PUDP: variants seen among roughly 807,000 people sequenced by gnomAD.
PUDP encodes the protein pseudouridine 5'-phosphatase, also known as pseudouridine-5'-phosphatase.
Under a neutral mutation model 9.4 loss-of-function variants are expected in PUDP, and 8 were observed. The ratio of observed to expected loss-of-function variants is 0.85; its 90% CI spans 0.50 to 1.53. The LOEUF (loss-of-function observed/expected upper bound fraction) is 1.53. Among genes scored for constraint, PUDP ranks in the 40% most tolerant of loss-of-function variants. The pLI, the probability that PUDP is intolerant of heterozygous loss-of-function variation, is 0.00. For synonymous variants in PUDP, 99 were observed against 80.7 expected, an observed-to-expected ratio of 1.23 and a Z score of -1.22; for missense variants, 188 against 189.7, an observed-to-expected ratio of 0.99 and a Z score of 0.05.
chrX:7,041,022 C>T (rs1019437781), intron 1 of PUDP, among the ~76,000 whole-genome samples: 4 of 112,081 alleles, frequency 3.6e-5, no homozygotes, highest in Admixed American at 9.5e-5. Context: ...TTCCCTGCTT[C>T]CCTCTTCAAA....
intron 1 of PUDP, among the ~76,000 whole-genome samples, chrX:7,028,090 A>G (rs1182544048): frequency 2.8e-5 from 3 of 106,741 alleles, no homozygotes; most frequent in South Asian, 8.1e-4. Context: ...TTATTGTTTG[A>G]TATATAGTCT....
At chrX:6,803,372 G>C (rs762490548) in intron 3 of PUDP, among the ~76,000 whole-genome samples, 1 of 111,425 alleles carries the variant, frequency 9.0e-6, no homozygotes, top group African/African-American at 3.3e-5. Flanking sequence ...TGCAGTGGAA[G>C]TGCTTAAGAA....
intron 3 of PUDP, among the ~76,000 whole-genome samples, chrX:6,846,984 G>T (rs1926758959): frequency 9.0e-6 from 1 of 111,508 alleles, no homozygotes; most frequent in African/African-American, 3.3e-5. Flanking sequence ...GTCCAGCTAT[G>T]CTGACCTAAA....
chrX:7,096,829 G>C (rs975075378), intron 2 of PUDP, among the ~76,000 whole-genome samples: 27 of 110,717 alleles, frequency 2.4e-4, no homozygotes, highest in African/African-American at 8.2e-4. Context: ...GAATGAGACT[G>C]TGTCTCCAAT....
At chrX:7,040,570 G>T (rs1450292559) in intron 1 of PUDP, among the ~76,000 whole-genome samples, 1 of 112,117 alleles carries the variant, frequency 8.9e-6, no homozygotes, top group Non-Finnish European at 1.9e-5. Flanking sequence ...CCCACAGTAG[G>T]GGCGCCACTG....
At chrX:6,988,353 G>C (rs5935588) in intron 1 of PUDP, among the ~76,000 whole-genome samples, 2 of 110,250 alleles carry the variant, frequency 1.8e-5, no homozygotes, top group Non-Finnish European at 3.8e-5. Context: ...GCTTATTCTC[G>C]TGGCCCAATA....
At chrX:6,727,503 A>C (rs973676957) in intron 3 of PUDP, among the ~76,000 whole-genome samples, 2 of 112,236 alleles carry the variant, frequency 1.8e-5, no homozygotes, top group Admixed American at 9.4e-5. Flanking sequence ...CCTTCGAAGA[A>C]TTTTGGAGAA....
intron 3 of PUDP, among the ~76,000 whole-genome samples, chrX:6,741,504 C>T (rs1232925718): frequency 9.0e-6 from 1 of 110,777 alleles, no homozygotes; most frequent in East Asian, 2.8e-4. Flanking sequence ...CATGAATATA[C>T]ATAGATAAGA....
intron 3 of PUDP, among the ~76,000 whole-genome samples, chrX:6,849,425 C>T (rs975990217): frequency 9.0e-6 from 1 of 111,345 alleles, no homozygotes; most frequent in African/African-American, 3.3e-5. Flanking sequence ...GTAGAAAGAC[C>T]TCTACGTGGA....
At chrX:7,028,184 T>C (rs1306049300) in intron 1 of PUDP, among the ~76,000 whole-genome samples, 2 of 109,312 alleles carry the variant, frequency 1.8e-5, no homozygotes, top group Admixed American at 1.0e-4. Flanking sequence ...TAACAAATGA[T>C]AATATAGTCT....
intron 3 of PUDP, among the ~76,000 whole-genome samples, chrX:6,783,142 C>T (rs1292840028): frequency 2.7e-5 from 3 of 111,518 alleles, no homozygotes; most frequent in African/African-American, 9.8e-5. Context: ...TTGGGAGTGT[C>T]CAATATCCCT....
upstream of PUDP, among the ~76,000 whole-genome samples, chrX:6,722,798 T>C (rs776194527): frequency 1.2e-3 from 139 of 111,535 alleles, no homozygotes; most frequent in Non-Finnish European, 2.3e-3. Context: ...GTAAAGGAGA[T>C]TGAACAACTA....
intron 1 of PUDP, among the ~76,000 whole-genome samples, chrX:6,989,113 G>A (rs908011930): frequency 9.0e-6 from 1 of 111,256 alleles, no homozygotes; most frequent in Non-Finnish European, 1.9e-5. Context: ...ACATATACAT[G>A]CATATATATT....
intron 3 of PUDP, among the ~76,000 whole-genome samples, chrX:6,971,240 T>C (rs774718951): frequency 2.7e-4 from 30 of 110,591 alleles, no homozygotes; most frequent in Non-Finnish European, 5.1e-4. Flanking sequence ...TTGGTCTATA[T>C]ATCTGTTTGA....
chrX:7,113,980 G>C (rs1932123953), intron 1 of PUDP, among the ~76,000 whole-genome samples: 1 of 111,449 alleles, frequency 9.0e-6, no homozygotes, highest in Non-Finnish European at 1.9e-5. Context: ...TGCTGGTGGG[G>C]ACTCCATGGA....
chrX:7,089,716 C>G (rs1417584166), intron 2 of PUDP, among the ~76,000 whole-genome samples: 2 of 111,595 alleles, frequency 1.8e-5, no homozygotes, highest in Non-Finnish European at 3.8e-5. Context: ...GAGTGCAGCA[C>G]CAGCACCCAC....
At chrX:6,996,640 A>G (rs1296486148) in intron 1 of PUDP, among the ~76,000 whole-genome samples, 4 of 105,152 alleles carry the variant, frequency 3.8e-5, no homozygotes, top group South Asian at 4.3e-4. Flanking sequence ...GTATATATAT[A>G]TGTGTGTGTG....
intron 3 of PUDP, among the ~76,000 whole-genome samples, chrX:6,868,531 C>T (rs1386235896): frequency 8.9e-6 from 1 of 112,243 alleles, no homozygotes; most frequent in Non-Finnish European, 1.9e-5. Context: ...CATCACATCA[C>T]ATAAACTCTA....
chrX:6,845,682 T>C (rs1313605928), intron 3 of PUDP, among the ~76,000 whole-genome samples: 1 of 112,404 alleles, frequency 8.9e-6, no homozygotes, highest in Non-Finnish European at 1.9e-5. Context: ...CTCTTTTCTT[T>C]ACACTCACTG....
Sources: allele counts gnomAD v4.1 joint callset (sites outside exome capture counted in the v4.1 genomes callset), GRCh38; gene constraint gnomAD v4.1.1; transcripts MANE v1.5; gene names NCBI Gene and HGNC (gene_info 2026-07-23, HGNC 2026-07-21).